NFIB: variants seen among roughly 807,000 people sequenced by gnomAD.
The protein encoded by NFIB is nuclear factor I B, also known as nuclear factor 1 B-type.
Under a neutral mutation model 61.5 loss-of-function variants are expected in NFIB, and 11 were observed. That is an observed-to-expected ratio of 0.18 (90% confidence interval 0.11 to 0.30). The LOEUF (loss-of-function observed/expected upper bound fraction) is 0.30. Ranked by LOEUF, NFIB falls within the 10% of genes least tolerant of loss-of-function variation. The pLI, the probability that NFIB is intolerant of heterozygous loss-of-function variation, is 1.00. For missense variants in NFIB, 471 were observed against 608.9 expected (o/e 0.77, Z 2.38); for synonymous variants, 260 against 216.5 (o/e 1.20, Z -1.76).
chr9:14,525,806 A>T, the NFIB span, among the ~76,000 whole-genome samples: 3 of 151,968 alleles, frequency 2.0e-5, no homozygotes, highest in Non-Finnish European at 2.9e-5. Context: ...GATTATGAAA[A>T]CCCCATAGGA....
the NFIB span, among the ~76,000 whole-genome samples, chr9:14,448,664 G>A: frequency 1.3e-5 from 2 of 152,146 alleles, no homozygotes; most frequent in Non-Finnish European, 2.9e-5. Context: ...ATAAGACAAG[G>A]GTAGGACTTT....
At chr9:14,425,526 A>T in the NFIB span, among the ~76,000 whole-genome samples, 1 of 151,998 alleles carries the variant, frequency 6.6e-6, no homozygotes, top group Non-Finnish European at 1.5e-5. Context: ...TGAGACATAT[A>T]TAAGGAAACA....
At chr9:14,430,067 C>T in the NFIB span, among the ~76,000 whole-genome samples, 1 of 152,080 alleles carries the variant, frequency 6.6e-6, no homozygotes, top group Non-Finnish European at 1.5e-5. Flanking sequence ...CTTTCCAATT[C>T]AATAGGTTAA....
chr9:14,101,540 T>C (rs1017216596), intron 10 of NFIB, among the ~76,000 whole-genome samples: 2 of 152,158 alleles, frequency 1.3e-5, no homozygotes, highest in African/African-American at 2.4e-5. Context: ...CAGAGCAGGG[T>C]TGGAAAATTA....
chr9:14,326,558 C>A (rs1371476251), intron 1 of NFIB, among the ~76,000 whole-genome samples: 1 of 152,150 alleles, frequency 6.6e-6, no homozygotes, highest in Non-Finnish European at 1.5e-5. Flanking sequence ...TCATCAAAAA[C>A]CTGAGATGGT....
At chr9:14,214,880 T>G (rs540757954) in intron 2 of NFIB, among the ~76,000 whole-genome samples, 1 of 152,282 alleles carries the variant, frequency 6.6e-6, no homozygotes, top group East Asian at 1.9e-4. Context: ...CCTATACAAT[T>G]GGAATTTAAA....
intron 9 of NFIB, 56 bp from the exon 10 acceptor site, chr9:14,113,137 C>A: frequency 2.7e-6 from 4 of 1,478,804 alleles, no homozygotes; most frequent in Non-Finnish European, 3.6e-6. Flanking sequence ...AGAACGAACA[C>A]CCTGTCCATG....
intron 2 of NFIB, among the ~76,000 whole-genome samples, chr9:14,182,890 T>C (rs2046963453): frequency 1.3e-5 from 2 of 152,094 alleles, no homozygotes; most frequent in South Asian, 4.2e-4. Flanking sequence ...CCTTGTAAAA[T>C]CATTGCAAGA....
At chr9:14,439,597 G>C in the NFIB span, among the ~76,000 whole-genome samples, 1 of 152,166 alleles carries the variant, frequency 6.6e-6, no homozygotes, top group African/African-American at 2.4e-5. Context: ...CTGAGCCTCA[G>C]GCCAGAAAGA....
At chr9:14,510,371 C>A in the NFIB span, among the ~76,000 whole-genome samples, 2 of 152,130 alleles carry the variant, frequency 1.3e-5, no homozygotes, top group Non-Finnish European at 2.9e-5. Flanking sequence ...CAATGAGAGA[C>A]CAGAAATCCA....
At chr9:14,214,308 T>C (rs1032530707) in intron 2 of NFIB, among the ~76,000 whole-genome samples, 1 of 152,214 alleles carries the variant, frequency 6.6e-6, no homozygotes, top group Non-Finnish European at 1.5e-5. Flanking sequence ...CATGGACCCA[T>C]GCAGTCACAT....
chr9:14,488,290 G>C, the NFIB span, among the ~76,000 whole-genome samples: 1 of 151,758 alleles, frequency 6.6e-6, no homozygotes, highest in Non-Finnish European at 1.5e-5. Context: ...TTGAGCCCAG[G>C]AGGTAAAGGC....
rs2059727939 is a variant in NFIB at position 14,301,160 on chromosome 9, G to A, written c.562+5829C>T. 2.6e-5 allele frequency among the ~76,000 whole-genome samples: 4 copies of A among 152,062 alleles called. No individual in the cohort carries two copies. In the South Asian group the frequency reaches 8.3e-4, roughly 32 times the overall value. ...TAGCAATAGATGGCCTCTCTCAATG[G>A]CTCCTACCCAGCTTTAAGTCTCCAG... On this transcript the variant is annotated intron_variant, in intron 2 of 10. Transcript: ENST00000380953.
In NFIB at chr9:14,120,353, C is replaced by T. The variant is rs2038759940; in HGVS notation, c.1245+87G>A. On this transcript the variant is annotated intron_variant, in intron 8 of 10. Transcript: ENST00000380953. The surrounding 1 kb of genome is among the most constrained non-coding windows in gnomAD (Gnocchi z 4.4). The stretch of plus-strand genomic sequence containing the variant: ...TTTCAAGGCTTGACGTTCTGCCAGA[C>T]ACACTGTCTGACTAACCTTTGTGTC... 2.9e-6 allele frequency: 4 copies of T among 1,401,602 alleles called. No individual in the cohort carries two copies. Among genetic ancestry groups the T allele is most frequent in the Non-Finnish European group, 4.0e-6 (4 of 990,824 alleles). The allele number at this position is 1,401,602 out of a possible 1,614,324, so 86.8% of individuals were successfully genotyped here. A position where few individuals can be genotyped will look rare whatever the true frequency, so the allele number is the denominator to read the frequency against.
chr9:14,284,804 G>T (rs1269437104), intron 2 of NFIB, among the ~76,000 whole-genome samples: 5 of 152,106 alleles, frequency 3.3e-5, no homozygotes, highest in Non-Finnish European at 5.9e-5. Context: ...AGTGGGATAG[G>T]GAAGATCTTT....
chr9:14,260,127 A>G (rs1025509244), intron 2 of NFIB, among the ~76,000 whole-genome samples: 2 of 152,140 alleles, frequency 1.3e-5, no homozygotes, highest in Admixed American at 6.5e-5. Context: ...TGGGGTGAGA[A>G]CACGTAGAGA....
At chr9:14,281,255 G>C (rs762014974) in intron 2 of NFIB, among the ~76,000 whole-genome samples, 6 of 152,154 alleles carry the variant, frequency 3.9e-5, no homozygotes, top group Non-Finnish European at 8.8e-5. Flanking sequence ...GGGTTCCATA[G>C]AGCATGAATA....
chr9:14,192,756 G>A (rs2048086137), intron 2 of NFIB, among the ~76,000 whole-genome samples: 1 of 152,104 alleles, frequency 6.6e-6, no homozygotes, highest in African/African-American at 2.4e-5. Flanking sequence ...GATTCCTACT[G>A]ATGCTAATGA....
chr9:14,233,853 C>A (rs1044148006), intron 2 of NFIB, among the ~76,000 whole-genome samples: 1 of 152,208 alleles, frequency 6.6e-6, no homozygotes, highest in Non-Finnish European at 1.5e-5. Flanking sequence ...TCTAGTCTAT[C>A]AATTTTGATC....
Sources: gnomAD v4.1 joint callset for allele counts (sites outside exome capture counted in the v4.1 genomes callset) on GRCh38, gnomAD v4.1.1 for gene constraint, Gnocchi (gnomAD v3.1) non-coding constraint, MANE v1.5 for transcripts, NCBI Gene and HGNC (gene_info 2026-07-23, HGNC 2026-07-21) for gene names.